ANGPT2: variants seen among roughly 807,000 people sequenced by gnomAD.
The protein encoded by ANGPT2 is angiopoietin 2.
A neutral mutation model predicts 62.9 loss-of-function variants in ANGPT2; 28 were observed. The ratio of observed to expected loss-of-function variants is 0.44; its 90% CI spans 0.33 to 0.61. The LOEUF is 0.61. Ranked by LOEUF, ANGPT2 falls within the 20% of genes least tolerant of loss-of-function variation. The probability of loss-of-function intolerance (pLI) is 0.03; values close to 1 mark genes in which losing one functional copy is unlikely to be tolerated. For missense variants in ANGPT2, 727 were observed against 594.9 expected (o/e 1.22, Z -2.31); for synonymous variants, 284 against 207.8 (o/e 1.37, Z -3.15).
chr8:6,508,519 A>T (rs957806952), intron 8 of ANGPT2: 1 of 241,188 alleles, frequency 4.1e-6, no homozygotes, highest in African/African-American at 2.2e-5. Context: ...CCTTCTTTGA[A>T]CATTAAATTA....
chr8:6,537,744 C>A (rs1820769670), intron 1 of ANGPT2, among the ~76,000 whole-genome samples: 1 of 151,972 alleles, frequency 6.6e-6, no homozygotes. Flanking sequence ...AGATTGTCAT[C>A]ATTATTTTTT....
rs1563305012 is a variant in ANGPT2, at chr8:6,505,229, G to GTTT, written c.1328-1969_1328-1968insAAA. On this transcript the variant is annotated intron_variant, in intron 8 of 8. Coordinates refer to ENST00000629816, the MANE Select transcript of ANGPT2 (RefSeq NM_001118887.2). Reference sequence around the variant, plus strand: ...ATAGAATATATATATATATTCTTATGTATATATAGAATATATATTCTTTAT... The same window carrying GTTT: ...ATAGAATATATATATATATTCTTATGTTTTATATATAGAATATATATTCTTTAT... 2.8e-3 allele frequency among the ~76,000 whole-genome samples: 89 copies of GTTT among 31,654 alleles called. 19 individuals are homozygous for GTTT. The highest frequency in any genetic ancestry group is 0.015 in the African/African-American group (79 of 5,132). 20.8% of individuals were successfully genotyped at this position (31,654 alleles called of 152,430 possible).
rs917373134 is a variant in ANGPT2, at chr8:6,563,201, T to G, written c.-267A>C. 6.6e-6 allele frequency: 2 copies of G among 305,322 alleles called. No individual in the cohort carries two copies. Among genetic ancestry groups the G allele is most frequent in the Non-Finnish European group, 1.3e-5 (2 of 159,720 alleles). The allele number at this position is 305,322 out of a possible 1,614,324, so 18.9% of individuals were successfully genotyped here. A position where few individuals can be genotyped will look rare whatever the true frequency, so the allele number is the denominator to read the frequency against. ...CTGTGTCAGCTTTTACAGAGCAGCT[T>G]TCACGGTCCTTTGTTCCTCTCTCCC... On this transcript the variant is annotated 5_prime_UTR_variant, in exon 1 of 9. Transcript: ENST00000629816.
At chr8:6,532,616 C>T (rs1275403888) in intron 1 of ANGPT2, 129 bp from the exon 2 acceptor site, 7 of 677,182 alleles carry the variant, frequency 1.0e-5, no homozygotes, top group South Asian at 4.0e-5. Context: ...TTGTACCTTG[C>T]CTTCCTTTTG....
In ANGPT2 at chr8:6,513,738, C is replaced by G. The variant is rs1815673722; in HGVS notation, c.1136G>C (p.Gly379Ala). 1 of 1,613,926 alleles carries G rather than the reference C, an allele frequency of 6.2e-7. No homozygotes were observed. The highest frequency in any genetic ancestry group is 8.5e-7 in the Non-Finnish European group (1 of 1,179,910). Reference protein sequence around the residue: ...VLKIHLKDWEGNEAYSLYEHF... With the variant: ...VLKIHLKDWEANEAYSLYEHF... The stretch of plus-strand genomic sequence containing the variant: ...TTCATACAATGAGTAAGCCTCATTC[C>G]CTTCCCAGTCTTTAAGGTGTATTTT... Residue 379 changes from glycine to alanine, a missense_variant, in exon 7 of 9, where the codon GGG becomes GCG. Physicochemically the swap from Gly to Ala is moderately conservative, Grantham distance 60 (BLOSUM62 0). Coordinates refer to ENST00000629816, the MANE Select transcript of ANGPT2 (RefSeq NM_001118887.2).
intron 8 of ANGPT2, 98 bp from the exon 9 acceptor site, chr8:6,503,359 G>A: frequency 7.8e-7 from 1 of 1,286,990 alleles, no homozygotes; most frequent in Non-Finnish European, 1.1e-6. Flanking sequence ...CACACTGCAG[G>A]CGTGTGGAGT....
chr8:6,562,768 G>A lies in ANGPT2; in HGVS notation c.167C>T (p.Ser56Phe), dbSNP rs1825755783. ...LLPEMDNCRS[S>F]SSPYVSNAVQ... ...AGCATTGGACACGTAGGGGCTGGAG[G>A]AAGAGCGGCAGTTGTCCATCTCTGG... The change falls in exon 1 of 9, where the codon TCC becomes TTC. Residue 56 changes from serine to phenylalanine, a missense_variant. Physicochemically the swap from Ser to Phe is radical, Grantham distance 155. Transcript: ENST00000629816. 1 of 1,613,812 alleles carries A rather than the reference G, an allele frequency of 6.2e-7. No individual in the cohort carries two copies. The highest frequency in any genetic ancestry group is 8.5e-7 in the Non-Finnish European group (1 of 1,180,016).
Position 6,532,377 on chromosome 8 carries a change from G to A in ANGPT2, c.399C>T (p.Asn133=). The A allele has an allele frequency of 6.2e-7, 1 of 1,613,996 alleles. No homozygotes were observed. ...ACTTCCGCGTTTGCTCCGCTGTTTG[G>A]TTCAACAGGTTTGTCCCTATTTCTA... The part of the protein sequence containing the change: ...VMIEIGTNLL[N]QTAEQTRKLT... Residue 133 remains asparagine, a synonymous_variant, in exon 2 of 9, where the codon AAC becomes AAT. Transcript: ENST00000629816.
chr8:6,541,112 T>C (rs1023709142), intron 1 of ANGPT2, among the ~76,000 whole-genome samples: 1 of 152,206 alleles, frequency 6.6e-6, no homozygotes, highest in African/African-American at 2.4e-5. Flanking sequence ...TGGGAAGGCC[T>C]GAGGCAAGGC....
At chr8:6,543,388 C>G (rs1330119235) in intron 1 of ANGPT2, among the ~76,000 whole-genome samples, 1 of 152,178 alleles carries the variant, frequency 6.6e-6, no homozygotes, top group Non-Finnish European at 1.5e-5. Flanking sequence ...ACACCCTTCT[C>G]TCTGTGCTTT....
chr8:6,528,410 T>G (rs1818790441), intron 2 of ANGPT2, among the ~76,000 whole-genome samples: 1 of 152,272 alleles, frequency 6.6e-6, no homozygotes. Context: ...ACAGAGAGAT[T>G]GGAAGTCACA....
At chr8:6,516,239 A>G (rs1433396505) in intron 5 of ANGPT2, among the ~76,000 whole-genome samples, 1 of 152,208 alleles carries the variant, frequency 6.6e-6, no homozygotes, top group East Asian at 1.9e-4. Context: ...GATTTTTATT[A>G]TCATTGCTAC....
intron 2 of ANGPT2, 107 bp downstream of exon 2, chr8:6,532,225 T>C: frequency 2.4e-6 from 3 of 1,264,934 alleles, no homozygotes; most frequent in Middle Eastern, 2.0e-4. Context: ...TCTCCTGTGG[T>C]GGTGCTTTCT....
Position 6,501,860 on chromosome 8 carries a change from G to C in ANGPT2, c.*1241C>G, listed in dbSNP as rs950294828. 6.6e-6 allele frequency: 1 copy of C among 150,680 alleles called. No homozygotes were observed. The highest frequency in any genetic ancestry group is 1.9e-4 in the East Asian group (1 of 5,140). The allele number at this position is 150,680 out of a possible 1,614,324, so 9.3% of individuals were successfully genotyped here. On this transcript the variant is annotated 3_prime_UTR_variant, in exon 9 of 9. Transcript: ENST00000629816. The stretch of plus-strand genomic sequence containing the variant: ...TGTGAGCCACTGCGCCCAGCCCTGT[G>C]TTCTCAAATTTTTGGTAAATATTTA...
intron 3 of ANGPT2, among the ~76,000 whole-genome samples, chr8:6,524,570 C>G (rs576676160): frequency 6.6e-6 from 1 of 152,148 alleles, no homozygotes; most frequent in Non-Finnish European, 1.5e-5. Context: ...TCTTACCTTC[C>G]GTTTAACAGA....
intron 5 of ANGPT2, among the ~76,000 whole-genome samples, chr8:6,519,180 C>G (rs1378651952): frequency 6.6e-6 from 1 of 152,174 alleles, no homozygotes. Flanking sequence ...GAATCGCCTT[C>G]CCCAGCGGTT....
chr8:6,502,536 T>G lies in ANGPT2; in HGVS notation c.*565A>C, dbSNP rs962545070. 6.6e-6 allele frequency: 1 copy of G among 152,226 alleles called. No individual in the cohort carries two copies. The highest frequency in any genetic ancestry group is 2.4e-5 in the African/African-American group (1 of 41,460). 9.4% of individuals were successfully genotyped at this position (152,226 alleles called of 1,614,324 possible). The stretch of plus-strand genomic sequence containing the variant: ...ATAAAAATTTAAAGCACCTAAGAGA[T>G]GGAGTAAAAATGCACTAACTGTTTT... On this transcript the variant is annotated 3_prime_UTR_variant, in exon 9 of 9. Coordinates refer to ENST00000629816, the MANE Select transcript of ANGPT2 (RefSeq NM_001118887.2).
At chr8:6,544,753 GAGTTAC>G (rs1373198574) in intron 1 of ANGPT2, among the ~76,000 whole-genome samples, 1 of 152,174 alleles carries the variant, frequency 6.6e-6, no homozygotes. Flanking sequence ...ACAGCATTTA[GAGTTAC>G]ACTTTGCCAT....
intron 1 of ANGPT2, among the ~76,000 whole-genome samples, chr8:6,549,881 A>C (rs550217815): frequency 3.3e-4 from 51 of 152,336 alleles, no homozygotes; most frequent in African/African-American, 1.2e-3. Flanking sequence ...ATATCTAAAA[A>C]AAGAAAAGAA....
Sources: gnomAD v4.1 joint callset for allele counts (sites outside exome capture counted in the v4.1 genomes callset) on GRCh38, gnomAD v4.1.1 for gene constraint, MANE v1.5 for transcripts, NCBI Gene and HGNC (gene_info 2026-07-23, HGNC 2026-07-21) for gene names.